NOX5: variants seen among roughly 807,000 people sequenced by gnomAD.
NOX5 encodes the protein NADPH oxidase 5.
In NOX5, 76 loss-of-function variants were observed where a neutral mutation model predicts 85.7. That is an observed-to-expected ratio of 0.89 (90% confidence interval 0.74 to 1.07). NOX5 has a LOEUF of 1.07. Ranked by LOEUF, NOX5 falls within the 50% of genes least tolerant of loss-of-function variation. NOX5 has a pLI of 0.00. For missense variants in NOX5, 973 were observed against 999.5 expected, an observed-to-expected ratio of 0.97 and a Z score of 0.36; for synonymous variants, 405 against 401.4, an observed-to-expected ratio of 1.01 and a Z score of -0.11.
Position 69,062,294 on chromosome 15 carries a change from G to A in NOX5, c.*5598G>A, listed in dbSNP as rs1463625335. The A allele has an allele frequency of 6.6e-6, 1 of 151,772 alleles. No homozygotes were observed. Among genetic ancestry groups the A allele is most frequent in the African/African-American group, 2.4e-5 (1 of 41,370 alleles). The allele number at this position is 151,772 out of a possible 1,614,324, so 9.4% of individuals were successfully genotyped here. A position where few individuals can be genotyped will look rare whatever the true frequency, so the allele number is the denominator to read the frequency against. ...AAAGGAAGACCAGTTAGCCAGAAAG[G>A]AAGCTTGGAAGACCACCCAGCTAAC... On this transcript the variant is annotated 3_prime_UTR_variant, in exon 16 of 16. Transcript: ENST00000388866.
rs1307485781 is a variant in NOX5, at chr15:69,042,812, G to C, written c.1647+7G>C. 3.1e-6 allele frequency: 5 copies of C among 1,612,006 alleles called. No individual in the cohort carries two copies. In the Admixed American group the frequency reaches 8.4e-5, roughly 27 times the overall value. The stretch of plus-strand genomic sequence containing the variant: ...GAGTCAAAGGTCGTCCAAGGTAGGT[G>C]GCTACTGGAGGGAAGGGGTCCACTC... On this transcript the variant is annotated splice_region_variant and intron_variant, in intron 10 of 15. Coordinates refer to ENST00000388866, the MANE Select transcript of NOX5 (RefSeq NM_024505.4).
intron 2 of NOX5, among the ~76,000 whole-genome samples, chr15:69,027,895 G>A (rs1257914565): frequency 4.6e-5 from 7 of 152,138 alleles, no homozygotes; most frequent in Non-Finnish European, 1.5e-5. Context: ...TGTTGGTTAA[G>A]GGGCCACCCA....
In NOX5 at chr15:69,060,946, G is replaced by A. The variant is rs1042774292; in HGVS notation, c.*4250G>A. 6.6e-6 allele frequency: 1 copy of A among 152,238 alleles called. No individual in the cohort carries two copies. The highest frequency in any genetic ancestry group is 2.4e-5 in the African/African-American group (1 of 41,448). 9.4% of individuals were successfully genotyped at this position (152,238 alleles called of 1,614,324 possible). A position where few individuals can be genotyped will look rare whatever the true frequency, so the allele number is the denominator to read the frequency against. Reference sequence around the variant, plus strand: ...AGCCATCCTGATGCGTTTTCTTGCTGATGGCCGATGATGCCCAAATGCTAA... The same window carrying A: ...AGCCATCCTGATGCGTTTTCTTGCTAATGGCCGATGATGCCCAAATGCTAA... On this transcript the variant is annotated 3_prime_UTR_variant, in exon 16 of 16. Transcript: ENST00000388866.
rs1420468345 is a variant in NOX5 at position 69,055,485 on chromosome 15, G to A, written c.2151G>A (p.Arg717=). 1.2e-6 allele frequency: 2 copies of A among 1,613,816 alleles called. No homozygotes were observed. The highest frequency in any genetic ancestry group is 2.7e-5 in the African/African-American group (2 of 74,926). ...TGCAGACGCGCACCCAGCCTGGGCG[G>A]CCTGACTGGAGCAAGGTAATGCCAA... The part of the protein sequence containing the change: ...TGLQTRTQPG[R]PDWSKVFQKV... Residue 717 remains arginine, a synonymous_variant, in exon 15 of 16, where the codon CGG becomes CGA. Transcript: ENST00000388866.
At chr15:69,044,725 T>C (rs910709711) in intron 10 of NOX5, among the ~76,000 whole-genome samples, 1 of 152,228 alleles carries the variant, frequency 6.6e-6, no homozygotes, top group African/African-American at 2.4e-5. Context: ...TGTAAGGGCA[T>C]AGAGAAAATG....
intron 10 of NOX5, among the ~76,000 whole-genome samples, chr15:69,043,822 CAT>C (rs1205373900): frequency 6.6e-6 from 1 of 152,162 alleles, no homozygotes; most frequent in East Asian, 1.9e-4. Context: ...GCAGCCTGGC[CAT>C]ATGTGTCAGC....
chr15:69,033,313 T>G (rs1275773518), intron 5 of NOX5, 36 bp downstream of exon 5: 1 of 1,578,800 alleles, frequency 6.3e-7, no homozygotes. Context: ...CTGAAAATGT[T>G]AATTAGGAGC....
chr15:69,035,302 G>A, intron 5 of NOX5, 52 bp from the exon 6 acceptor site: 2 of 1,589,242 alleles, frequency 1.3e-6, no homozygotes, highest in Non-Finnish European at 1.7e-6. Flanking sequence ...GGGAAAAGAG[G>A]ACAAGGCAGA....
chr15:69,045,684 T>A (rs1177820829), intron 10 of NOX5, among the ~76,000 whole-genome samples: 1 of 151,690 alleles, frequency 6.6e-6, no homozygotes, highest in Non-Finnish European at 1.5e-5. Context: ...TCACTCTTTC[T>A]TTCTTTTCTT....
chr15:69,018,298 T>TGGCG (rs1201431748), intron 1 of NOX5, among the ~76,000 whole-genome samples: 3 of 152,090 alleles, frequency 2.0e-5, no homozygotes, highest in Non-Finnish European at 4.4e-5. Flanking sequence ...GAGAGGCAGC[T>TGGCG]GGCGGAGTTG....
In NOX5 at chr15:69,059,162, G is replaced by C. The variant is rs751781669; in HGVS notation, c.*2466G>C. On this transcript the variant is annotated 3_prime_UTR_variant, in exon 16 of 16. Transcript: ENST00000388866. ...TGGGTGGGAGCAGGTGGAAGGACTTGGACATACGATTCTAAAATCCGTGAA... is the reference window on the plus strand; with the variant it reads ...TGGGTGGGAGCAGGTGGAAGGACTTCGACATACGATTCTAAAATCCGTGAA... The C allele has an allele frequency of 4.6e-5, 7 of 152,182 alleles. No homozygotes were observed. Among genetic ancestry groups the C allele is most frequent in the Non-Finnish European group, 1.0e-4 (7 of 68,036 alleles). 9.4% of individuals were successfully genotyped at this position (152,182 alleles called of 1,614,324 possible).
At chr15:69,036,871 A>G (rs2050522706) in intron 7 of NOX5, among the ~76,000 whole-genome samples, 157 bp from the exon 8 acceptor site, 1 of 152,040 alleles carries the variant, frequency 6.6e-6, no homozygotes, top group African/African-American at 2.4e-5. Flanking sequence ...CCAGAAAAAG[A>G]AGCTTCCCAG....
chr15:69,051,095 A>C, intron 14 of NOX5, among the ~76,000 whole-genome samples: 1 of 151,478 alleles, frequency 6.6e-6, no homozygotes, highest in Non-Finnish European at 1.5e-5. Context: ...TCTCCTTCTC[A>C]CCTTCCCTCT....
At chr15:69,033,451 G>A (rs1199999318) in intron 5 of NOX5, among the ~76,000 whole-genome samples, 174 bp downstream of exon 5, 1 of 152,204 alleles carries the variant, frequency 6.6e-6, no homozygotes, top group Non-Finnish European at 1.5e-5. Flanking sequence ...AGGGACAGTA[G>A]CTTGTCCACA....
intron 14 of NOX5, 45 bp from the exon 15 acceptor site, chr15:69,055,289 A>G (rs1349151899): frequency 2.8e-5 from 44 of 1,585,980 alleles, no homozygotes; most frequent in Non-Finnish European, 3.7e-5. Flanking sequence ...TGCGCCCATG[A>G]TGGGTACTAG....
intron 5 of NOX5, 137 bp from the exon 6 acceptor site, chr15:69,035,217 C>A: frequency 2.3e-6 from 2 of 864,118 alleles, no homozygotes; most frequent in Non-Finnish European, 3.5e-6. Context: ...AGCAACAAGG[C>A]ATGGGGGCAG....
rs1388111490 is a variant in NOX5 at position 69,060,695 on chromosome 15, G to A, written c.*3999G>A. 6.6e-6 allele frequency: 1 copy of A among 152,122 alleles called. No homozygotes were observed. Among genetic ancestry groups the A allele is most frequent in the Non-Finnish European group, 1.5e-5 (1 of 68,030 alleles). The allele number at this position is 152,122 out of a possible 1,614,324, so 9.4% of individuals were successfully genotyped here. On this transcript the variant is annotated 3_prime_UTR_variant, in exon 16 of 16. Coordinates refer to ENST00000388866, the MANE Select transcript of NOX5 (RefSeq NM_024505.4). ...AAAGAAACCCCAAATAGGATGTCATGTAAAAGAAAAGAAAAAACAAGTACC... is the reference window on the plus strand; with the variant it reads ...AAAGAAACCCCAAATAGGATGTCATATAAAAGAAAAGAAAAAACAAGTACC...
At chr15:69,035,126 C>T (rs1006479453) in intron 5 of NOX5, among the ~76,000 whole-genome samples, 2 of 152,028 alleles carry the variant, frequency 1.3e-5, no homozygotes, top group African/African-American at 4.8e-5. Context: ...AAAATTAATA[C>T]AAATAGACAT....
At chr15:69,046,351 T>C (rs1295973037) in intron 10 of NOX5, 2 of 152,936 alleles carry the variant, frequency 1.3e-5, no homozygotes, top group African/African-American at 2.4e-5. Flanking sequence ...TCAAATGAGC[T>C]GGACAATGAA....
Sources: gnomAD v4.1 joint callset for allele counts (sites outside exome capture counted in the v4.1 genomes callset) on GRCh38, gnomAD v4.1.1 for gene constraint, MANE v1.5 for transcripts, NCBI Gene and HGNC (gene_info 2026-07-23, HGNC 2026-07-21) for gene names.